Variants in CHRM3 observed in about 807,000 individuals in gnomAD.
CHRM3 encodes muscarinic acetylcholine receptor M3.
CHRM3 carries 11 observed loss-of-function variants against 41.8 expected under a neutral mutation model. The observed-to-expected ratio is 0.26, with a 90% CI of 0.17 to 0.44. The LOEUF is 0.44. CHRM3 is among the 20% of genes least tolerant of loss of function. CHRM3 has a pLI of 1.00. For synonymous variants in CHRM3, 297 were observed against 301.4 expected (o/e 0.99, Z 0.15); for missense variants, 571 against 745.4 (o/e 0.77, Z 2.72).
intron 4 of CHRM3, among the ~76,000 whole-genome samples, chr1:239,663,724 C>T (rs1021100837): frequency 1.6e-4 from 24 of 152,284 alleles, no homozygotes; most frequent in Middle Eastern, 3.4e-3. Flanking sequence ...TTTTGCACTT[C>T]GTTAATTGTA....
At chr1:239,494,770 C>T (rs139780288) in intron 2 of CHRM3, among the ~76,000 whole-genome samples, 4,063 of 152,144 alleles carry the variant, frequency 0.027, 195 homozygotes, top group African/African-American at 0.092. Context: ...CATTGTTCAG[C>T]TCCCACTTAC....
At chr1:239,884,002 C>T (rs1287226454) in intron 6 of CHRM3, among the ~76,000 whole-genome samples, 1 of 152,178 alleles carries the variant, frequency 6.6e-6, no homozygotes, top group African/African-American at 2.4e-5. Context: ...CCAACAAACA[C>T]CCACACACAT....
chr1:239,745,535 G>A (rs1665275000), intron 5 of CHRM3, among the ~76,000 whole-genome samples: 1 of 151,720 alleles, frequency 6.6e-6, no homozygotes, highest in Non-Finnish European at 1.5e-5. Context: ...GGGTACATGT[G>A]CAGAGCGTGC....
intron 1 of CHRM3, among the ~76,000 whole-genome samples, chr1:239,411,427 A>G (rs1661051413): frequency 1.3e-5 from 2 of 152,178 alleles, no homozygotes; most frequent in South Asian, 4.1e-4. Context: ...AAGAAAAACA[A>G]ATAAGAAATA....
At chr1:239,732,856 A>G (rs535888278) in intron 5 of CHRM3, among the ~76,000 whole-genome samples, 3 of 145,542 alleles carry the variant, frequency 2.1e-5, no homozygotes, top group African/African-American at 7.4e-5. Context: ...TTAGATAAGT[A>G]TACCTAATAT....
At chr1:239,797,818 C>T (rs1282045395) in intron 5 of CHRM3, among the ~76,000 whole-genome samples, 4 of 152,174 alleles carry the variant, frequency 2.6e-5, no homozygotes, top group East Asian at 1.9e-4. Context: ...GAGGCTGAGG[C>T]GGGAGGATCA....
chr1:239,897,045 C>A (rs2102983185), intron 6 of CHRM3, among the ~76,000 whole-genome samples: 1 of 152,332 alleles, frequency 6.6e-6, no homozygotes, highest in African/African-American at 2.4e-5. Context: ...TTATAATCCT[C>A]ATTTTGTAGA....
chr1:239,689,805 C>A (rs12406493), intron 5 of CHRM3, among the ~76,000 whole-genome samples: 76,516 of 151,898 alleles, frequency 0.5, 19,545 homozygotes, highest in Admixed American at 0.56. Context: ...GTAGATATTC[C>A]GTGTCCAGGG....
chr1:239,786,567 A>G (rs1251384319), intron 5 of CHRM3, among the ~76,000 whole-genome samples: 1 of 152,176 alleles, frequency 6.6e-6, no homozygotes, highest in Non-Finnish European at 1.5e-5. Context: ...CGGCTTCTGT[A>G]CTAGTCTGAG....
At chr1:239,443,573 C>T (rs1439631896) in intron 1 of CHRM3, among the ~76,000 whole-genome samples, 2 of 152,046 alleles carry the variant, frequency 1.3e-5, no homozygotes, top group Non-Finnish European at 2.9e-5. Flanking sequence ...GTTTAAGGTG[C>T]CTGTGACATG....
chr1:239,402,329 A>T (rs2102985214), intron 1 of CHRM3, among the ~76,000 whole-genome samples: 1 of 152,272 alleles, frequency 6.6e-6, no homozygotes, highest in South Asian at 2.1e-4. Flanking sequence ...GAATTTTCCT[A>T]AACTGCACCA....
intron 1 of CHRM3, among the ~76,000 whole-genome samples, chr1:239,457,170 T>G (rs931639079): frequency 6.6e-6 from 1 of 152,168 alleles, no homozygotes; most frequent in Non-Finnish European, 1.5e-5. Flanking sequence ...GCCCCTTTCT[T>G]TGTATGGCCA....
intron 6 of CHRM3, among the ~76,000 whole-genome samples, chr1:239,843,705 G>A (rs1293344098): frequency 6.6e-6 from 1 of 152,038 alleles, no homozygotes; most frequent in African/African-American, 2.4e-5. Flanking sequence ...CATAGAAGTA[G>A]CATGTTCTTC....
Position 239,698,447 on chromosome 1 carries a change from T to C in CHRM3, c.-147+20159T>C, listed in dbSNP as rs139185712. On this transcript the variant is annotated intron_variant, in intron 5 of 6. Coordinates refer to ENST00000676153, the MANE Select transcript of CHRM3 (RefSeq NM_001375978.1). ...CTCTCAAAAGGCAGGAACATGCATA[T>C]CTGATATCTTGACATTCTAGAATTC... 8.9e-4 allele frequency among the ~76,000 whole-genome samples: 135 copies of C among 152,312 alleles called. 1 individual carries two copies. Among genetic ancestry groups the C allele is most frequent in the African/African-American group, 2.9e-3 (121 of 41,568 alleles).
intron 2 of CHRM3, among the ~76,000 whole-genome samples, chr1:239,531,319 G>T (rs1003117374): frequency 1.3e-5 from 2 of 152,076 alleles, no homozygotes; most frequent in African/African-American, 4.8e-5. Context: ...TAGATCAATA[G>T]AACATAATTG....
intron 2 of CHRM3, among the ~76,000 whole-genome samples, chr1:239,515,149 A>G (rs1558281237): frequency 6.6e-6 from 1 of 152,046 alleles, no homozygotes; most frequent in East Asian, 1.9e-4. Context: ...AATATTTAAC[A>G]TGTGGCCTGT....
At chr1:239,751,238 CAAA>C (rs11298801) in intron 5 of CHRM3, among the ~76,000 whole-genome samples, 7 of 70,972 alleles carry the variant, frequency 9.9e-5, no homozygotes, top group Admixed American at 1.7e-4. Flanking sequence ...AACTTCATCT[CAAA>C]AAAAAAAAAA....
At chr1:239,415,208 G>A (rs989302602) in intron 1 of CHRM3, among the ~76,000 whole-genome samples, 1 of 152,328 alleles carries the variant, frequency 6.6e-6, no homozygotes, top group East Asian at 1.9e-4. Flanking sequence ...GGGAGGCCAA[G>A]GCAGGAGGAT....
In CHRM3 at chr1:239,510,655, G is replaced by A. The variant is rs562311261; in HGVS notation, c.-422+17848G>A. ...CAGTTCAAGTGATTCTCCTGCCTCA[G>A]CCTCCCAACTAACTGGGATTACAGA... On this transcript the variant is annotated intron_variant, in intron 2 of 6. Coordinates refer to ENST00000676153, the MANE Select transcript of CHRM3 (RefSeq NM_001375978.1). Among the ~76,000 whole-genome samples the A allele has an allele frequency of 1.3e-4, 19 of 151,774 alleles. No homozygotes were observed. The East Asian group carries it at 3.7e-3, about 30-fold the overall frequency.
Sources: gnomAD v4.1 joint callset for allele counts (sites outside exome capture counted in the v4.1 genomes callset) on GRCh38, gnomAD v4.1.1 for gene constraint, MANE v1.5 for transcripts, NCBI Gene and HGNC (gene_info 2026-07-23, HGNC 2026-07-21) for gene names.